Variants in DEF6 observed in about 807,000 individuals in gnomAD.
DEF6 encodes differentially expressed in FDCP 6 homolog.
In DEF6, 32 loss-of-function variants were observed where a neutral mutation model predicts 80.5. The ratio of observed to expected loss-of-function variants is 0.40; its 90% CI spans 0.30 to 0.53. DEF6 has a LOEUF of 0.53. DEF6 is among the 20% of genes least tolerant of loss of function. The probability of loss-of-function intolerance (pLI) is 0.57; values close to 1 mark genes in which losing one functional copy is unlikely to be tolerated. For synonymous variants in DEF6, 300 were observed against 337.9 expected, an observed-to-expected ratio of 0.89 and a Z score of 1.23; for missense variants, 575 against 818.7, an observed-to-expected ratio of 0.70 and a Z score of 3.63.
rs1354855216 is a variant in DEF6 at position 35,319,329 on chromosome 6, C to A, written c.1216-195C>A. On this transcript the variant is annotated intron_variant, in intron 7 of 10. Coordinates refer to ENST00000316637, the MANE Select transcript of DEF6 (RefSeq NM_022047.4). The surrounding 1 kb of genome is among the most constrained non-coding windows in gnomAD (Gnocchi z 4.5). Reference sequence around the variant, plus strand: ...AAATAACTTGAGCCCGTTTCCCCCACGTGGCATCTGTTCACCGACCATTAT... The same window carrying A: ...AAATAACTTGAGCCCGTTTCCCCCAAGTGGCATCTGTTCACCGACCATTAT... Among the ~76,000 whole-genome samples the A allele has an allele frequency of 6.6e-6, 1 of 152,090 alleles. No individual in the cohort carries two copies. The highest frequency in any genetic ancestry group is 1.9e-4 in the East Asian group (1 of 5,198).
Position 35,319,800 on chromosome 6 carries a change from G to C in DEF6, c.1383-19G>C. The C allele has an allele frequency of 1.4e-5, 23 of 1,605,092 alleles. No homozygotes were observed. Among genetic ancestry groups the C allele is most frequent in the Non-Finnish European group, 2.0e-5 (23 of 1,175,676 alleles). On this transcript the variant is annotated intron_variant, in intron 8 of 10. Coordinates refer to ENST00000316637, the MANE Select transcript of DEF6 (RefSeq NM_022047.4). This position sits in a 1 kb window ranked among gnomAD's most constrained non-coding sequence, Gnocchi z 4.5. Reference sequence around the variant, plus strand: ...GTGCCTTGGCACTAGAGGCTACACAGTACACACTCACCCGGCAGACTGCTG... The same window carrying C: ...GTGCCTTGGCACTAGAGGCTACACACTACACACTCACCCGGCAGACTGCTG...
chr6:35,317,474 C>T (rs1234791606), intron 5 of DEF6: 1 of 157,626 alleles, frequency 6.3e-6, no homozygotes, highest in Admixed American at 6.4e-5. Flanking sequence ...TATCCCAACC[C>T]CTGGAGCAGT....
At chr6:35,298,175 C>G (rs545423082) in intron 1 of DEF6, among the ~76,000 whole-genome samples, 2 of 152,186 alleles carry the variant, frequency 1.3e-5, no homozygotes, top group African/African-American at 4.8e-5. Flanking sequence ...AGAAACCTTG[C>G]GCAGAACTGG....
chr6:35,307,021 G>T (rs1484681666), intron 1 of DEF6, among the ~76,000 whole-genome samples: 1 of 152,216 alleles, frequency 6.6e-6, no homozygotes, highest in Non-Finnish European at 1.5e-5. Flanking sequence ...GCCTCAGTTT[G>T]TCTCCATTTT....
rs574645908 is a variant in DEF6, at chr6:35,321,437, A to G, written c.*27A>G. 4 of 1,594,576 alleles carry G rather than the reference A, an allele frequency of 2.5e-6. No homozygotes were observed. The highest frequency in any genetic ancestry group is 1.3e-5 in the African/African-American group (1 of 74,688). On this transcript the variant is annotated 3_prime_UTR_variant, in exon 11 of 11. Transcript: ENST00000316637. ...CTCTCTTAGCCCCTTGTTCTTCCCA[A>G]TGTCATATCCACCAGGACCTGGCCA...
chr6:35,313,120 A>G (rs1419622286), intron 5 of DEF6, among the ~76,000 whole-genome samples: 1 of 150,826 alleles, frequency 6.6e-6, no homozygotes, highest in African/African-American at 2.4e-5. Flanking sequence ...CCCTTTAGCA[A>G]CTCTGTACTT....
chr6:35,319,700 A>G lies in DEF6; in HGVS notation c.1382+10A>G, dbSNP rs1229062837. ...GAATCGCTCAGACCAGGTAGGCCTGAGGAACCTCTTCTGGTTCTCTCACCA... is the reference window on the plus strand; with the variant it reads ...GAATCGCTCAGACCAGGTAGGCCTGGGGAACCTCTTCTGGTTCTCTCACCA... On this transcript the variant is annotated intron_variant, in intron 8 of 10. Transcript: ENST00000316637. The surrounding 1 kb of genome is among the most constrained non-coding windows in gnomAD (Gnocchi z 4.5). 11 of 1,607,178 alleles carry G rather than the reference A, an allele frequency of 6.8e-6. No homozygotes were observed. The Admixed American group carries it at 8.4e-5, about 12-fold the overall frequency.
At chr6:35,311,556 G>A (rs1296503374) in intron 3 of DEF6, among the ~76,000 whole-genome samples, 3 of 152,194 alleles carry the variant, frequency 2.0e-5, no homozygotes, top group Non-Finnish European at 4.4e-5. Flanking sequence ...AGGGACATGT[G>A]TCCATCTGCA....
Position 35,317,944 on chromosome 6 carries a change from C to A in DEF6, c.861C>A (p.Asn287Lys). The change falls in exon 6 of 11, where the codon AAC becomes AAA. Residue 287 changes from asparagine to lysine, a missense_variant. Transcript: ENST00000316637. ...KRCMFCVKTA[N>K]RTYEMSASDT... ...GCATGTTCTGTGTGAAGACAGCCAA[C>A]CGCACGTATGAGATGAGCGCCTCAG... is the stretch of plus-strand genomic sequence containing the variant. 6.2e-7 allele frequency: 1 copy of A among 1,613,984 alleles called. No homozygotes were observed. The highest frequency in any genetic ancestry group is 8.5e-7 in the Non-Finnish European group (1 of 1,180,004).
At chr6:35,303,739 G>A (rs1403959516) in intron 1 of DEF6, among the ~76,000 whole-genome samples, 1 of 152,188 alleles carries the variant, frequency 6.6e-6, no homozygotes. Flanking sequence ...GCTCACACCT[G>A]TAATCTCAGC....
Position 35,319,721 on chromosome 6 carries a change from C to A in DEF6, c.1382+31C>A, listed in dbSNP as rs1791565694. ...CCTGAGGAACCTCTTCTGGTTCTCT[C>A]ACCACCCCTCCTGGAACACACCCCA... On this transcript the variant is annotated intron_variant, in intron 8 of 10. Coordinates refer to ENST00000316637, the MANE Select transcript of DEF6 (RefSeq NM_022047.4). The surrounding 1 kb of genome is among the most constrained non-coding windows in gnomAD (Gnocchi z 4.5). 1.1e-5 allele frequency: 17 copies of A among 1,607,532 alleles called. No homozygotes were observed. Among genetic ancestry groups the A allele is most frequent in the Non-Finnish European group, 1.4e-5 (17 of 1,175,430 alleles).
chr6:35,298,915 C>G (rs935506436), intron 1 of DEF6, among the ~76,000 whole-genome samples: 1 of 152,120 alleles, frequency 6.6e-6, no homozygotes, highest in Non-Finnish European at 1.5e-5. Context: ...GTCTCCCTGC[C>G]CCATCCTCCA....
rs764516210 is a variant in DEF6 at position 35,297,982 on chromosome 6, C to A, written c.96+30C>A. 3.2e-6 allele frequency: 5 copies of A among 1,551,350 alleles called. No homozygotes were observed. In the South Asian group the frequency reaches 4.7e-5, roughly 15 times the overall value. ...GGGGCACCCGGGACCCGGGGGAGGA[C>A]GGCAGATGCACCACACCAGCCCCTG... is the stretch of plus-strand genomic sequence containing the variant. On this transcript the variant is annotated intron_variant, in intron 1 of 10. Coordinates refer to ENST00000316637, the MANE Select transcript of DEF6 (RefSeq NM_022047.4).
chr6:35,300,615 A>G (rs1477024133), intron 1 of DEF6, among the ~76,000 whole-genome samples: 2 of 152,240 alleles, frequency 1.3e-5, no homozygotes, highest in African/African-American at 4.8e-5. Context: ...GAATTCTTGT[A>G]GAAAGTACAA....
At chr6:35,320,493 AG>A (rs1791578082) in intron 9 of DEF6, among the ~76,000 whole-genome samples, 1 of 152,196 alleles carries the variant, frequency 6.6e-6, no homozygotes, top group Non-Finnish European at 1.5e-5. Context: ...TTCTTGGATT[AG>A]GTGCTGGAAA....
chr6:35,300,565 GA>G (rs1227196322), intron 1 of DEF6, among the ~76,000 whole-genome samples: 1 of 152,232 alleles, frequency 6.6e-6, no homozygotes, highest in African/African-American at 2.4e-5. Context: ...CTGGAAAAGA[GA>G]AGGCTTGAGG....
At chr6:35,310,692 T>C in intron 3 of DEF6, 48 bp downstream of exon 3, 1 of 1,605,088 alleles carries the variant, frequency 6.2e-7, no homozygotes, top group Non-Finnish European at 8.5e-7. Context: ...GGACCAGACC[T>C]AAGCAAAACC....
In DEF6 at chr6:35,305,815, C is replaced by T. The variant is rs144918663; in HGVS notation, c.97-3855C>T. On this transcript the variant is annotated intron_variant, in intron 1 of 10. Coordinates refer to ENST00000316637, the MANE Select transcript of DEF6 (RefSeq NM_022047.4). ...GTTGAACTCCTGACCTCAAGTGATC[C>T]GCCCACCTGGGCCTCCCAAAGTGCT... is the stretch of plus-strand genomic sequence containing the variant. Among the ~76,000 whole-genome samples, 298 of 152,270 alleles carry T rather than the reference C, an allele frequency of 2.0e-3. 2 individuals carry two copies. The highest frequency in any genetic ancestry group is 6.7e-3 in the African/African-American group (279 of 41,566).
At chr6:35,309,579 G>T in intron 1 of DEF6, 91 bp from the exon 2 acceptor site, 1 of 1,469,256 alleles carries the variant, frequency 6.8e-7, no homozygotes, top group South Asian at 1.2e-5. Flanking sequence ...GCCAGGATGG[G>T]GTGAGGACAA....
Sources: gnomAD v4.1 joint callset for allele counts (sites outside exome capture counted in the v4.1 genomes callset) on GRCh38, gnomAD v4.1.1 for gene constraint, Gnocchi (gnomAD v3.1) non-coding constraint, MANE v1.5 for transcripts, NCBI Gene and HGNC (gene_info 2026-07-23, HGNC 2026-07-21) for gene names.